FHL1: variants seen among roughly 807,000 people sequenced by gnomAD.
FHL1 encodes four and a half LIM domains 1.
A neutral mutation model predicts 20.3 loss-of-function variants in FHL1; 1 was observed. That is an observed-to-expected ratio of 0.05 (90% CI 0.02 to 0.23). The LOEUF is 0.23. FHL1 is among the 10% of genes least tolerant of loss of function. The pLI is 1.00. For synonymous variants in FHL1, 82 were observed against 88.9 expected, an observed-to-expected ratio of 0.92 and a Z score of 0.44; for missense variants, 177 against 234.0, an observed-to-expected ratio of 0.76 and a Z score of 1.59.
intron 2 of FHL1, among the ~76,000 whole-genome samples, chrX:136,181,280 A>AT (rs1357452132): frequency 9.0e-6 from 1 of 110,517 alleles, no homozygotes; most frequent in Admixed American, 9.6e-5. Flanking sequence ...TTATATTTAG[A>AT]TTTTTTTTTC....
rs10611748 is a variant in FHL1 at position 136,186,879 on chromosome X, T to TATAG, written c.-27+16938_-27+16941dup. On this transcript the variant is annotated intron_variant, in intron 2 of 6. Transcript: ENST00000394153. Reference sequence around the variant, plus strand: ...AAAAAAAAAAAAATATATATATATATATAGATAGATAGATAGATAGATAGA... The same window carrying TATAG: ...AAAAAAAAAAAAATATATATATATATATAGATAGATAGATAGATAGATAGATAGA... Among the ~76,000 whole-genome samples, 67 of 67,377 alleles carry TATAG rather than the reference T, an allele frequency of 9.9e-4. 1 individual carries two copies. Among genetic ancestry groups the TATAG allele is most frequent in the African/African-American group, 3.6e-3 (64 of 17,574 alleles). The allele number at this position is 67,377 out of a possible 115,157, so 58.5% of individuals were successfully genotyped here.
chrX:136,177,570 C>T (rs1029253793), intron 2 of FHL1, among the ~76,000 whole-genome samples: 59 of 112,190 alleles, frequency 5.3e-4, no homozygotes, highest in Middle Eastern at 4.6e-3. Context: ...TTTTCAGCTT[C>T]TCTAAGAATA....
intron 1 of FHL1, among the ~76,000 whole-genome samples, chrX:136,203,061 A>G (rs771382546): frequency 3.5e-5 from 4 of 112,807 alleles, no homozygotes; most frequent in Non-Finnish European, 5.6e-5. Context: ...ACGTAAGCTA[A>G]TTCAGGTTGC....
Position 136,197,128 on chromosome X carries a change from C to A in FHL1, c.16C>A (p.His6Asn). The A allele has an allele frequency of 8.3e-7, 1 of 1,208,987 alleles. No individual in the cohort carries two copies. Among genetic ancestry groups the A allele is most frequent in the Non-Finnish European group, 1.1e-6 (1 of 893,440 alleles). MASHR[H>N]SGPSSYKVGT... is the part of the protein sequence containing the mutation. ...TCTCTGAGCCATGGCTTCCCATAGA[C>A]ACTCAGGTAAAACTTCATGCTCTTT... Residue 6 changes from histidine (H) to asparagine (N), a missense_variant, in exon 1 of 6, where the codon CAC becomes AAC. His to Asn is a moderately conservative substitution (Grantham distance 68). Coordinates refer to ENST00000370683, the MANE Select transcript of FHL1 (RefSeq NM_001159699.2).
At chrX:136,168,009 G>T (rs1457197331), upstream of FHL1, 1 of 112,551 alleles carries the variant, frequency 8.9e-6, no homozygotes, top group Non-Finnish European at 1.9e-5. Context: ...ATAACAGTTT[G>T]ACTTTTTGCC....
chrX:136,150,375 C>T (rs1403779099), intron 1 of FHL1, among the ~76,000 whole-genome samples: 3 of 111,641 alleles, frequency 2.7e-5, no homozygotes, highest in Non-Finnish European at 5.6e-5. Context: ...CTTTCTCCCC[C>T]GTCCGGTGCC....
chrX:136,195,023 T>C (rs191159185), upstream of FHL1, among the ~76,000 whole-genome samples: 10 of 112,166 alleles, frequency 8.9e-5, no homozygotes, highest in Non-Finnish European at 1.3e-4. Context: ...TCCTGGCTGG[T>C]CATAGTTGAC....
chrX:136,150,307 G>A (rs1245574019), intron 1 of FHL1, among the ~76,000 whole-genome samples: 6 of 111,997 alleles, frequency 5.4e-5, no homozygotes, highest in Non-Finnish European at 9.4e-5. Context: ...AATCTCCTGT[G>A]ACTGAACCCT....
chrX:136,178,971 G>A (rs749631321), intron 2 of FHL1, among the ~76,000 whole-genome samples: 5 of 111,148 alleles, frequency 4.5e-5, no homozygotes, highest in African/African-American at 1.6e-4. Context: ...TGGCTAGGCT[G>A]GCCTCGAACT....
intron 5 of FHL1, chrX:136,209,468 C>T (rs754255484): frequency 8.4e-7 from 1 of 1,197,450 alleles, no homozygotes; most frequent in Non-Finnish European, 1.1e-6. Context: ...ACGAACAGCC[C>T]AAGTTTGCCT....
chrX:136,206,635 T>C, intron 2 of FHL1, 47 bp downstream of exon 2: 1 of 1,196,074 alleles, frequency 8.4e-7, no homozygotes, highest in Non-Finnish European at 1.1e-6. Flanking sequence ...GGTTTTGGAG[T>C]GTCCTTTGCC....
chrX:136,196,365 G>A (rs1308911908), upstream of FHL1, among the ~76,000 whole-genome samples: 3 of 112,077 alleles, frequency 2.7e-5, no homozygotes, highest in African/African-American at 6.5e-5. Context: ...TTTCATTCAT[G>A]TTTTTCCTTT....
chrX:136,179,369 G>C (rs2073095967), intron 2 of FHL1, among the ~76,000 whole-genome samples: 1 of 111,915 alleles, frequency 8.9e-6, no homozygotes, highest in African/African-American at 3.2e-5. Flanking sequence ...TATGTTCCCA[G>C]CTCTGCCGTT....
chrX:136,187,679 G>C (rs914377282), intron 2 of FHL1, among the ~76,000 whole-genome samples: 1 of 110,446 alleles, frequency 9.1e-6, no homozygotes, highest in African/African-American at 3.3e-5. Flanking sequence ...ACAGAAAGTA[G>C]GTTAGTGGTT....
At chrX:136,147,466 C>CCCGGCGCG (rs2072127774), upstream of FHL1, 1 of 105,507 alleles carries the variant, frequency 9.5e-6, no homozygotes, top group African/African-American at 3.4e-5. Flanking sequence ...TCCCCGCCTC[C>CCCGGCGCG]CAGGCGCGCA....
chrX:136,166,263 C>T (rs1447490730), upstream of FHL1, among the ~76,000 whole-genome samples: 1 of 111,841 alleles, frequency 8.9e-6, no homozygotes, highest in East Asian at 2.8e-4. Context: ...CAATTTTTCT[C>T]CTTTGTGGAC....
At chrX:136,205,310 G>GGGGTTGT (rs2073812629) in intron 1 of FHL1, among the ~76,000 whole-genome samples, 1 of 111,049 alleles carries the variant, frequency 9.0e-6, no homozygotes, top group Admixed American at 9.6e-5. Flanking sequence ...GGAGGGAAGA[G>GGGGTTGT]GGGTTGTTCA....
intron 2 of FHL1, among the ~76,000 whole-genome samples, chrX:136,189,872 A>G (rs768107647): frequency 1.8e-5 from 2 of 111,986 alleles, no homozygotes; most frequent in South Asian, 7.5e-4. Context: ...ATTTCCTACT[A>G]TTTGTCTTGG....
chrX:136,151,393 G>A (rs367982206), intron 1 of FHL1, among the ~76,000 whole-genome samples: 1 of 112,668 alleles, frequency 8.9e-6, no homozygotes, highest in African/African-American at 3.2e-5. Flanking sequence ...AGTAGTTGGC[G>A]GAGCTCACTT....
Sources: allele counts gnomAD v4.1 joint callset (sites outside exome capture counted in the v4.1 genomes callset), GRCh38; gene constraint gnomAD v4.1.1; transcripts MANE v1.5; gene names NCBI Gene and HGNC (gene_info 2026-07-23, HGNC 2026-07-21).